The following GOLGA3 variants were observed in gnomAD, a reference collection of about 807,000 sequenced individuals.
GOLGA3 encodes golgin subfamily A member 3.
GOLGA3 carries 75 observed loss-of-function variants against 169.4 expected under a neutral mutation model. The observed-to-expected ratio is 0.44, with a 90% CI of 0.37 to 0.54. The LOEUF is 0.54. GOLGA3 is among the 20% of genes least tolerant of loss of function. The probability of loss-of-function intolerance (pLI) is 0.00; values close to 1 mark genes in which losing one functional copy is unlikely to be tolerated. For synonymous variants in GOLGA3, 824 were observed against 822.4 expected, an observed-to-expected ratio of 1.00 and a Z score of -0.03; for missense variants, 1,899 against 1,930.0, an observed-to-expected ratio of 0.98 and a Z score of 0.30.
chr12:132,779,210 G>A (rs916811132), intron 18 of GOLGA3, among the ~76,000 whole-genome samples: 2 of 152,098 alleles, frequency 1.3e-5, no homozygotes, highest in Admixed American at 1.3e-4. Flanking sequence ...CTCCCGAGTA[G>A]CTGGGACTAC....
chr12:132,789,192 C>T lies in GOLGA3; in HGVS notation c.2646G>A (p.Glu882=). 5 of 1,611,434 alleles carry T rather than the reference C, an allele frequency of 3.1e-6. No individual in the cohort carries two copies. The highest frequency in any genetic ancestry group is 4.2e-6 in the Non-Finnish European group (5 of 1,180,022). ...GCACTTGCATCAGCTCCTGCCGCAG[C>T]TCCTTCAGCTCCGAGTCCAGCCTCT... is the stretch of plus-strand genomic sequence containing the variant. ...TRKRLDSELK[E]LRQELMQVHG... The change falls in exon 13 of 24, where the codon GAG becomes GAA. Residue 882 remains glutamate (E), a synonymous_variant. Transcript: ENST00000450791.
intron 11 of GOLGA3, among the ~76,000 whole-genome samples, chr12:132,794,193 T>C (rs900476905): frequency 2.6e-5 from 4 of 152,132 alleles, no homozygotes; most frequent in Admixed American, 6.6e-5. Context: ...CCCACGTGGA[T>C]ACTGCTGTGT....
chr12:132,794,232 C>G (rs961200366), intron 11 of GOLGA3, among the ~76,000 whole-genome samples: 5 of 151,888 alleles, frequency 3.3e-5, no homozygotes, highest in African/African-American at 7.3e-5. Context: ...CAGTGGCTCA[C>G]GCCTGTAATC....
rs2044847648 is a variant in GOLGA3, at chr12:132,770,426, G to C, written c.*2679C>G. ...GGGCCCTGGCACCGGCGACCACAGA[G>C]CGCTGGGGGAGGCATCGCACCCAAG... On this transcript the variant is annotated 3_prime_UTR_variant, in exon 24 of 24. Transcript: ENST00000450791. 6.6e-6 allele frequency: 1 copy of C among 152,074 alleles called. No individual in the cohort carries two copies. The highest frequency in any genetic ancestry group is 2.4e-5 in the African/African-American group (1 of 41,420). The allele number at this position is 152,074 out of a possible 1,614,324, so 9.4% of individuals were successfully genotyped here. A position where few individuals can be genotyped will look rare whatever the true frequency, so the allele number is the denominator to read the frequency against.
chr12:132,812,085 G>GGCT (rs1449625709), intron 4 of GOLGA3, among the ~76,000 whole-genome samples: 4 of 151,320 alleles, frequency 2.6e-5, no homozygotes, highest in Non-Finnish European at 5.9e-5. Flanking sequence ...TTACTCGGGA[G>GGCT]GCTGAGGCTG....
chr12:132,785,965 A>G (rs2045875769), intron 15 of GOLGA3, among the ~76,000 whole-genome samples: 1 of 152,178 alleles, frequency 6.6e-6, no homozygotes, highest in Admixed American at 6.5e-5. Context: ...CCTGCTTCTC[A>G]GTGAGTGCGG....
At chr12:132,818,961 T>C (rs191329051) in intron 2 of GOLGA3, among the ~76,000 whole-genome samples, 12 of 152,088 alleles carry the variant, frequency 7.9e-5, no homozygotes, top group South Asian at 4.1e-4. Flanking sequence ...AACTAAAACA[T>C]ATTTCCTCAT....
chr12:132,781,247 A>G (rs980607117), intron 17 of GOLGA3, among the ~76,000 whole-genome samples: 2 of 151,936 alleles, frequency 1.3e-5, no homozygotes, highest in African/African-American at 4.8e-5. Flanking sequence ...ACTCCGGGCA[A>G]GAGCCAGACC....
intron 4 of GOLGA3, chr12:132,811,742 G>A: frequency 3.8e-6 from 1 of 261,018 alleles, no homozygotes; most frequent in Non-Finnish European, 6.0e-6. Flanking sequence ...GATTATAGGT[G>A]TGAGCCACTG....
At position 132,777,121 on chromosome 12, in the gene GOLGA3, C is replaced by T. The variant is rs372284731; in HGVS notation, c.3723-31G>A. ...GTAAAAAAACAAGAAAGAAGGGAAT[C>T]GCCACGCTCCTCCAGTGTGCTGTGC... On this transcript the variant is annotated intron_variant, in intron 19 of 23. Coordinates refer to ENST00000450791, the MANE Select transcript of GOLGA3 (RefSeq NM_001389683.1). This position sits in a 1 kb window ranked among gnomAD's most constrained non-coding sequence, Gnocchi z 4.7. 36 of 1,556,564 alleles carry T rather than the reference C, an allele frequency of 2.3e-5. No individual in the cohort carries two copies. Among genetic ancestry groups the T allele is most frequent in the Middle Eastern group, 3.5e-4 (2 of 5,782 alleles).
chr12:132,815,265 G>A (rs1306880512), intron 3 of GOLGA3, among the ~76,000 whole-genome samples: 6 of 152,174 alleles, frequency 3.9e-5, no homozygotes, highest in African/African-American at 9.7e-5. Flanking sequence ...AAAATAAGCA[G>A]GGTTTCAACC....
At chr12:132,801,270 C>G (rs966148361) in intron 8 of GOLGA3, among the ~76,000 whole-genome samples, 1 of 152,298 alleles carries the variant, frequency 6.6e-6, no homozygotes, top group Middle Eastern at 3.4e-3. Flanking sequence ...ACGTGGTCCC[C>G]GTGTATCACT....
Position 132,786,495 on chromosome 12 carries a change from C to T in GOLGA3, c.2967G>A (p.Gln989=). The change falls in exon 15 of 24, where the codon CAG becomes CAA. Residue 989 remains glutamine (Q), a synonymous_variant. Transcript: ENST00000450791. ...RRLGSDLTSA[Q]KEMKTKHKAY... Reference sequence around the variant, plus strand: ...CCTTATGTTTGGTCTTCATCTCCTTCTGGGCGCTGGTCAAGTCTGAGCCCA... The same window carrying T: ...CCTTATGTTTGGTCTTCATCTCCTTTTGGGCGCTGGTCAAGTCTGAGCCCA... 1 of 1,613,796 alleles carries T rather than the reference C, an allele frequency of 6.2e-7. No homozygotes were observed. Among genetic ancestry groups the T allele is most frequent in the Non-Finnish European group, 8.5e-7 (1 of 1,179,978 alleles).
intron 11 of GOLGA3, among the ~76,000 whole-genome samples, chr12:132,794,233 G>A (rs1200367130): frequency 2.0e-5 from 3 of 151,686 alleles, no homozygotes; most frequent in Non-Finnish European, 1.5e-5. Flanking sequence ...AGTGGCTCAC[G>A]CCTGTAATCC....
intron 1 of GOLGA3, chr12:132,827,826 G>A (rs113467114): frequency 5.3e-5 from 8 of 151,980 alleles, no homozygotes; most frequent in African/African-American, 1.9e-4. Context: ...CCAGCACTTT[G>A]GGAGGCTGGG....
intron 1 of GOLGA3, 94 bp from the exon 2 acceptor site, chr12:132,822,405 A>T: frequency 1.5e-6 from 1 of 659,098 alleles, no homozygotes; most frequent in Non-Finnish European, 2.3e-6. Flanking sequence ...TTGCATACGT[A>T]CAAGAAACAA....
Position 132,777,358 on chromosome 12 carries a change from G to A in GOLGA3, c.3723-268C>T, listed in dbSNP as rs200654251. Among the ~76,000 whole-genome samples the A allele has an allele frequency of 3.3e-5, 5 of 151,252 alleles. No homozygotes were observed. The highest frequency in any genetic ancestry group is 4.3e-4 in the South Asian group (2 of 4,624). Reference sequence around the variant, plus strand: ...ACAGATCCCAGAGAGTGCCGGCCCCGAGACCACAGTGCATGGGACCCACAG... The same window carrying A: ...ACAGATCCCAGAGAGTGCCGGCCCCAAGACCACAGTGCATGGGACCCACAG... On this transcript the variant is annotated intron_variant, in intron 19 of 23. Transcript: ENST00000450791. This position sits in a 1 kb window ranked among gnomAD's most constrained non-coding sequence, Gnocchi z 4.7.
intron 6 of GOLGA3, among the ~76,000 whole-genome samples, chr12:132,806,030 A>G (rs1949380587): frequency 1.3e-5 from 2 of 152,232 alleles, no homozygotes; most frequent in Admixed American, 1.3e-4. Context: ...CAGGAGCAGC[A>G]GAGAATCGCC....
At chr12:132,773,400 C>A in intron 23 of GOLGA3, 106 bp from the exon 24 acceptor site, 2 of 647,376 alleles carry the variant, frequency 3.1e-6, no homozygotes, top group South Asian at 2.4e-5. Context: ...ACCGGGGCGC[C>A]TTCGGGGATC....
Sources: allele counts gnomAD v4.1 joint callset (sites outside exome capture counted in the v4.1 genomes callset), GRCh38; gene constraint gnomAD v4.1.1; non-coding constraint Gnocchi (gnomAD v3.1); transcripts MANE v1.5; gene names NCBI Gene and HGNC (gene_info 2026-07-23, HGNC 2026-07-21).